ART5: variants seen among roughly 807,000 people sequenced by gnomAD.
The protein encoded by ART5 is ecto-ADP-ribosyltransferase 5.
A neutral mutation model predicts 25.0 loss-of-function variants in ART5; 22 were observed. The observed-to-expected ratio is 0.88, with a 90% confidence interval of 0.63 to 1.26. The LOEUF (loss-of-function observed/expected upper bound fraction) is 1.26. Ranked by LOEUF, ART5 falls within the 50% of genes most tolerant of loss-of-function variation. ART5 has a pLI of 0.00. For synonymous variants in ART5, 161 were observed against 154.8 expected (o/e 1.04, Z -0.30); for missense variants, 402 against 372.8 (o/e 1.08, Z -0.64).
At chr11:3,639,107 T>A in intron 2 of ART5, 72 bp from the exon 3 acceptor site, 1 of 1,495,804 alleles carries the variant, frequency 6.7e-7, no homozygotes, top group Non-Finnish European at 9.1e-7. Context: ...CACCAGGCCC[T>A]GGCAGGGCCA....
chr11:3,639,978 T>C lies in ART5; in HGVS notation c.451A>G (p.Ser151Gly). 1.2e-6 allele frequency: 2 copies of C among 1,614,154 alleles called. No individual in the cohort carries two copies. The highest frequency in any genetic ancestry group is 1.7e-6 in the Non-Finnish European group (2 of 1,180,024). Reference sequence around the variant, plus strand: ...AACACCACCTCCCCAGGTCCCCTGCTGCAGCCCCCACTGCCTCGCAGCAGC... The same window carrying C: ...AACACCACCTCCCCAGGTCCCCTGCCGCAGCCCCCACTGCCTCGCAGCAGC... Reference protein sequence around the residue: ...LQLLRGSGGCSRGPGEVVFRG... With the variant: ...LQLLRGSGGCGRGPGEVVFRG... Residue 151 changes from serine (S) to glycine (G), a missense_variant, in exon 2 of 4, where the codon AGC becomes GGC. By Grantham distance (56) the Ser-to-Gly change is moderately conservative. Coordinates refer to ENST00000397068, the MANE Select transcript of ART5 (RefSeq NM_053017.5).
upstream of ART5, chr11:3,642,014 C>CG: frequency 6.9e-7 from 1 of 1,449,388 alleles, no homozygotes; most frequent in South Asian, 1.4e-5. Flanking sequence ...GGGGCGTGGG[C>CG]GGGGCCTGGG....
rs551528406 is a variant in ART5 at position 3,640,307 on chromosome 11, C to T, written c.122G>A (p.Gly41Asp). 6.2e-7 allele frequency: 1 copy of T among 1,612,858 alleles called. No homozygotes were observed. The highest frequency in any genetic ancestry group is 1.3e-5 in the African/African-American group (1 of 75,048). Residue 41 changes from glycine to aspartate, a missense_variant, in exon 2 of 4, where the codon GGT (glycine) becomes GAT (aspartate). Coordinates refer to ENST00000397068, the MANE Select transcript of ART5 (RefSeq NM_053017.5). ...CTTCTCCTCCATCTCCTCTGCACAA[C>T]CCACATAGGTATCGTCAAAGGTGTC... is the stretch of plus-strand genomic sequence containing the variant. ...APDTFDDTYV[G>D]CAEEMEEKAA...
rs375972063 is a variant in ART5, at chr11:3,638,718, C to T, written c.*20G>A. The T allele has an allele frequency of 4.2e-5, 67 of 1,614,018 alleles. No homozygotes were observed. The highest frequency in any genetic ancestry group is 2.8e-4 in the Admixed American group (17 of 60,006). On this transcript the variant is annotated 3_prime_UTR_variant, in exon 4 of 4. Coordinates refer to ENST00000397068, the MANE Select transcript of ART5 (RefSeq NM_053017.5). ...GGGAGAAGGCTGCTAGGGCTGGGTC[C>T]GGAACCATGTTCTTGCTTCTCAAGG... is the stretch of plus-strand genomic sequence containing the variant.
chr11:3,639,133 T>C (rs1589904795), intron 2 of ART5, 98 bp from the exon 3 acceptor site: 1 of 1,310,206 alleles, frequency 7.6e-7, no homozygotes, highest in East Asian at 2.5e-5. Flanking sequence ...CTTCTCAATC[T>C]ATCTTTCCCT....
intron 1 of ART5, among the ~76,000 whole-genome samples, chr11:3,640,963 G>A (rs1259532851): frequency 1.3e-5 from 2 of 151,936 alleles, no homozygotes; most frequent in Admixed American, 6.6e-5. Flanking sequence ...GGCTGGTCTC[G>A]AACTCCTGAC....
Position 3,639,052 on chromosome 11 carries a change from G to T in ART5, c.788-17C>A. The T allele has an allele frequency of 6.4e-7, 1 of 1,551,028 alleles. No homozygotes were observed. Among genetic ancestry groups the T allele is most frequent in the Non-Finnish European group, 8.7e-7 (1 of 1,147,502 alleles). Reference sequence around the variant, plus strand: ...TCTTCTCCCCTGCAACAGACAGCAGGGTGAGGCCTCCGCGTGGACAGACTC... The same window carrying T: ...TCTTCTCCCCTGCAACAGACAGCAGTGTGAGGCCTCCGCGTGGACAGACTC... On this transcript the variant is annotated splice_polypyrimidine_tract_variant and intron_variant, in intron 2 of 3. Transcript: ENST00000397068.
Position 3,640,292 on chromosome 11 carries a change from A to T in ART5, c.137T>A (p.Met46Lys), listed in dbSNP as rs1376880598. ...DDTYVGCAEE[M>K]EEKAAPLLKE... ...TAGCAGGGGGGCTGCCTTCTCCTCCATCTCCTCTGCACAACCCACATAGGT... is the reference window on the plus strand; with the variant it reads ...TAGCAGGGGGGCTGCCTTCTCCTCCTTCTCCTCTGCACAACCCACATAGGT... Residue 46 changes from methionine (M) to lysine (K), a missense_variant, in exon 2 of 4, where the codon ATG (methionine) becomes AAG (lysine). Physicochemically the swap from Met to Lys is moderately conservative, Grantham distance 95. Coordinates refer to ENST00000397068, the MANE Select transcript of ART5 (RefSeq NM_053017.5). 6.2e-7 allele frequency: 1 copy of T among 1,613,278 alleles called. No individual in the cohort carries two copies. Among genetic ancestry groups the T allele is most frequent in the East Asian group, 2.2e-5 (1 of 44,850 alleles).
chr11:3,642,014 C>T (rs906917187), upstream of ART5: 3 of 1,449,386 alleles, frequency 2.1e-6, no homozygotes, highest in South Asian at 2.8e-5. Context: ...GGGGCGTGGG[C>T]GGGGCCTGGG....
Position 3,639,654 on chromosome 11 carries a change from C to G in ART5, c.775G>C (p.Ala259Pro). 6.2e-7 allele frequency: 1 copy of G among 1,611,968 alleles called. No homozygotes were observed. The highest frequency in any genetic ancestry group is 8.5e-7 in the Non-Finnish European group (1 of 1,179,176). ...YNQTCSHFNCAYLGGEKRRGC... is the reference protein window; with the variant it reads ...YNQTCSHFNCPYLGGEKRRGC... ...ATGCACAGCTTACCACCCAGATAGG[C>G]GCAGTTAAAATGGCTACAGGTCTGA... Residue 259 changes from alanine to proline, a missense_variant, in exon 2 of 4, where the codon GCC (alanine) becomes CCC (proline). Transcript: ENST00000397068.
In ART5 at chr11:3,639,795, C is replaced by A. The variant is rs2077364795; in HGVS notation, c.634G>T (p.Ala212Ser). The A allele has an allele frequency of 6.2e-7, 1 of 1,614,186 alleles. No individual in the cohort carries two copies. The highest frequency in any genetic ancestry group is 2.2e-5 in the East Asian group (1 of 44,882). The change falls in exon 2 of 4, where the codon GCC becomes TCC. Residue 212 changes from alanine to serine, a missense_variant. Physicochemically the swap from Ala to Ser is moderately conservative, Grantham distance 99. Transcript: ENST00000397068. ...LTTCFGAPIQ[A>S]FSVFPKEREV... ...CGCTCCTTGGGAAAGACAGAGAAGG[C>A]CTGTATAGGGGCCCCAAAGCAAGTT... is the stretch of plus-strand genomic sequence containing the variant.
Position 3,640,172 on chromosome 11 carries a change from G to C in ART5, c.257C>G (p.Pro86Arg). 1 of 1,614,118 alleles carries C rather than the reference G, an allele frequency of 6.2e-7. No individual in the cohort carries two copies. Among genetic ancestry groups the C allele is most frequent in the Non-Finnish European group, 8.5e-7 (1 of 1,180,050 alleles). ...EDKRRGLTLP[P>R]GFKAQNGIAI... ...TATTCCATTCTGGGCTTTGAAGCCAGGGGGCAAGGTAAGCCCTCGACGCTT... is the reference window on the plus strand; with the variant it reads ...TATTCCATTCTGGGCTTTGAAGCCACGGGGCAAGGTAAGCCCTCGACGCTT... The change falls in exon 2 of 4, where the codon CCT (proline) becomes CGT (arginine). Residue 86 changes from proline (P) to arginine (R), a missense_variant. By Grantham distance (103) the Pro-to-Arg change is moderately radical. Coordinates refer to ENST00000397068, the MANE Select transcript of ART5 (RefSeq NM_053017.5).
At chr11:3,641,997 C>T (rs1487918282), upstream of ART5, 64 of 1,461,600 alleles carry the variant, frequency 4.4e-5, no homozygotes, top group East Asian at 5.0e-5. Flanking sequence ...AGGATTAGGG[C>T]CCCGGCGGGG....
At position 3,641,944 on chromosome 11, in the gene ART5, G is replaced by A. The variant is rs929343084; in HGVS notation, c.-82C>T. On this transcript the variant is annotated 5_prime_UTR_variant, in exon 1 of 4. Coordinates refer to ENST00000397068, the MANE Select transcript of ART5 (RefSeq NM_053017.5). ...GAGTCCTGGTTTCGAGGGGCTGGAG[G>A]CAGATCTGGACCCTGTCTCCAGGCG... 156 of 1,531,540 alleles carry A rather than the reference G, an allele frequency of 1.0e-4. No individual in the cohort carries two copies. Among genetic ancestry groups the A allele is most frequent in the Non-Finnish European group, 1.4e-4 (156 of 1,142,726 alleles). The allele number at this position is 1,531,540 out of a possible 1,614,324, so 94.9% of individuals were successfully genotyped here.
At chr11:3,642,122 G>C, upstream of ART5, 2 of 1,342,162 alleles carry the variant, frequency 1.5e-6, no homozygotes, top group Non-Finnish European at 1.9e-6. Context: ...GACTGTAAAG[G>C]CGGGGCCGCA....
rs749383059 is a variant in ART5 at position 3,640,407 on chromosome 11, A to G, written c.58-36T>C. ...AAAGAGGTGCCACACCGAAAAGAGC[A>G]TAAGTTCAGAGCACTGGACATGGGT... On this transcript the variant is annotated intron_variant, in intron 1 of 3. Transcript: ENST00000397068. 1.5e-5 allele frequency: 23 copies of G among 1,548,782 alleles called. No homozygotes were observed. The East Asian group carries it at 1.6e-4, about 11-fold the overall frequency.
chr11:3,639,955 C>T lies in ART5; in HGVS notation c.474G>A (p.Val158=). The T allele has an allele frequency of 6.2e-7, 1 of 1,614,174 alleles. No homozygotes were observed. Among genetic ancestry groups the T allele is most frequent in the Non-Finnish European group, 8.5e-7 (1 of 1,180,036 alleles). Residue 158 remains valine (V), a synonymous_variant, in exon 2 of 4, where the codon GTG becomes GTA. Coordinates refer to ENST00000397068, the MANE Select transcript of ART5 (RefSeq NM_053017.5). ...GGCSRGPGEV[V]FRGVGSLRFE... ...AGCGAAGGCTGCCCACACCTCGGAA[C>T]ACCACCTCCCCAGGTCCCCTGCTGC...
At chr11:3,642,282 G>T, upstream of ART5, 1 of 1,031,974 alleles carries the variant, frequency 9.7e-7, no homozygotes, top group South Asian at 4.0e-5. Flanking sequence ...AAAGGTTCTC[G>T]AGGCTAACTG....
chr11:3,641,729 G>T, intron 1 of ART5, 77 bp downstream of exon 1: 13 of 1,542,602 alleles, frequency 8.4e-6, no homozygotes, highest in Non-Finnish European at 1.1e-5. Flanking sequence ...GATGTGAGGA[G>T]TCAGCCCCGG....
Sources: allele counts gnomAD v4.1 joint callset (sites outside exome capture counted in the v4.1 genomes callset), GRCh38; gene constraint gnomAD v4.1.1; transcripts MANE v1.5; gene names NCBI Gene and HGNC (gene_info 2026-07-23, HGNC 2026-07-21).